Variants in COL11A1 observed in about 807,000 individuals in gnomAD.
The protein encoded by COL11A1 is collagen type XI alpha 1 chain.
COL11A1 carries 74 observed loss-of-function variants against 265.2 expected under a neutral mutation model. That is an observed-to-expected ratio of 0.28 (90% CI 0.23 to 0.34). The LOEUF is 0.34. COL11A1 is among the 10% of genes least tolerant of loss of function. COL11A1 has a pLI of 1.00. For synonymous variants in COL11A1, 816 were observed against 727.6 expected, an observed-to-expected ratio of 1.12 and a Z score of -1.96; for missense variants, 2,165 against 2,263.6, an observed-to-expected ratio of 0.96 and a Z score of 0.88.
chr1:103,073,642 T>A (rs1317933444), intron 4 of COL11A1, among the ~76,000 whole-genome samples: 2 of 151,878 alleles, frequency 1.3e-5, no homozygotes, highest in African/African-American at 4.8e-5. Flanking sequence ...ATAAATAATA[T>A]GGAACTTTCA....
At chr1:102,975,147 A>G (rs761572219) in intron 35 of COL11A1, among the ~76,000 whole-genome samples, 1 of 152,152 alleles carries the variant, frequency 6.6e-6, no homozygotes, top group African/African-American at 2.4e-5. Context: ...CATATCAATT[A>G]AAAGTGAATA....
At position 102,962,416 on chromosome 1, in the gene COL11A1, G is replaced by T. The variant is rs960812912; in HGVS notation, c.3025-151C>A. 2.4e-5 allele frequency: 18 copies of T among 753,140 alleles called. No individual in the cohort carries two copies. The Middle Eastern group carries it at 1.0e-3, about 43-fold the overall frequency. 46.7% of individuals were successfully genotyped at this position (753,140 alleles called of 1,614,324 possible). ...GGTGGAATGCCATATGCATTAAAAT[G>T]AACTACCCACTACCTACATTTAACG... On this transcript the variant is annotated intron_variant, in intron 39 of 66. Coordinates refer to ENST00000370096, the MANE Select transcript of COL11A1 (RefSeq NM_001854.4).
intron 54 of COL11A1, among the ~76,000 whole-genome samples, chr1:102,901,751 ATTC>A (rs1653234843): frequency 6.6e-6 from 1 of 152,186 alleles, no homozygotes; most frequent in Non-Finnish European, 1.5e-5. Context: ...CAAGAGAACT[ATTC>A]TTCATATAAA....
intron 1 of COL11A1, among the ~76,000 whole-genome samples, chr1:103,088,561 T>C (rs1325873613): frequency 1.3e-5 from 2 of 152,220 alleles, no homozygotes; most frequent in Non-Finnish European, 2.9e-5. Context: ...TCAGCTTTCA[T>C]AAAGAAAGTT....
At chr1:102,953,548 A>G (rs1660092286) in intron 41 of COL11A1, among the ~76,000 whole-genome samples, 1 of 152,210 alleles carries the variant, frequency 6.6e-6, no homozygotes. Flanking sequence ...CATATTTAAT[A>G]TAACTAAAGT....
Position 102,934,561 on chromosome 1 carries a change from A to C in COL11A1, c.3493-5T>G, listed in dbSNP as rs746535602. 1.7e-5 allele frequency: 28 copies of C among 1,603,418 alleles called. No homozygotes were observed. Among genetic ancestry groups the C allele is most frequent in the Non-Finnish European group, 2.2e-5 (26 of 1,170,298 alleles). On this transcript the variant is annotated splice_polypyrimidine_tract_variant and splice_region_variant and intron_variant, in intron 45 of 66. Coordinates refer to ENST00000370096, the MANE Select transcript of COL11A1 (RefSeq NM_001854.4). ...ACCTGGTTCACCATCACCTCCCTAG[A>C]GAAGAGAAAGAAACATTATCACAAA...
intron 44 of COL11A1, among the ~76,000 whole-genome samples, chr1:102,938,025 A>C (rs747356232): frequency 6.6e-6 from 1 of 152,232 alleles, no homozygotes; most frequent in Non-Finnish European, 1.5e-5. Flanking sequence ...ATAAAAATGA[A>C]TTATGCATTA....
At chr1:103,025,494 T>C (rs1240390989) in intron 7 of COL11A1, 27 bp downstream of exon 7, 1 of 1,470,524 alleles carries the variant, frequency 6.8e-7, no homozygotes, top group Admixed American at 1.7e-5. Flanking sequence ...AGTGGGACTG[T>C]GATTTAATAC....
intron 41 of COL11A1, among the ~76,000 whole-genome samples, chr1:102,961,457 A>G (rs1323097393): frequency 6.6e-6 from 1 of 152,220 alleles, no homozygotes; most frequent in Non-Finnish European, 1.5e-5. Context: ...TTTATAATAA[A>G]TGAATGATAG....
chr1:102,989,394 T>C (rs1663898203), intron 29 of COL11A1, 124 bp downstream of exon 29: 3 of 509,986 alleles, frequency 5.9e-6, no homozygotes, highest in African/African-American at 4.0e-5. Context: ...CTTAAATGAG[T>C]AAAGACTTAG....
rs1653837609 is a variant in COL11A1, at chr1:102,905,400, A to G, written c.4087-6406T>C. Among the ~76,000 whole-genome samples the G allele has an allele frequency of 2.6e-5, 4 of 151,070 alleles. No homozygotes were observed. In the South Asian group the frequency reaches 8.3e-4, roughly 32 times the overall value. ...ATAATAAAATAAAAATTAAAAAAAAAGGAAAGAGAGAGAAAGGAAGGAAGG... is the reference window on the plus strand; with the variant it reads ...ATAATAAAATAAAAATTAAAAAAAAGGGAAAGAGAGAGAAAGGAAGGAAGG... On this transcript the variant is annotated intron_variant, in intron 54 of 66. Transcript: ENST00000370096.
rs375665732 is a variant in COL11A1, at chr1:102,995,911, G to A, written c.2296-3C>T. The A allele has an allele frequency of 3.7e-6, 6 of 1,611,988 alleles. No individual in the cohort carries two copies. Among genetic ancestry groups the A allele is most frequent in the Non-Finnish European group, 5.1e-6 (6 of 1,178,924 alleles). Reference sequence around the variant, plus strand: ...AGACCTCTGACACCATCTGCTCCCTGTGGAATAAATTAGAAGTATTAAGTG... The same window carrying A: ...AGACCTCTGACACCATCTGCTCCCTATGGAATAAATTAGAAGTATTAAGTG... On this transcript the variant is annotated splice_polypyrimidine_tract_variant and splice_region_variant and intron_variant, in intron 27 of 66. Transcript: ENST00000370096.
At chr1:102,888,387 T>C (rs529076643) in intron 62 of COL11A1, among the ~76,000 whole-genome samples, 190 bp downstream of exon 62, 1 of 152,320 alleles carries the variant, frequency 6.6e-6, no homozygotes, top group Non-Finnish European at 1.5e-5. Context: ...GCATTTATAT[T>C]TGAAGAGTGA....
At chr1:103,026,554 T>A (rs935221130) in intron 5 of COL11A1, among the ~76,000 whole-genome samples, 3 of 152,164 alleles carry the variant, frequency 2.0e-5, no homozygotes, top group African/African-American at 7.2e-5. Context: ...AGAATAGTAG[T>A]TAGTATCACG....
chr1:102,878,500 A>ATATATATATATATG (rs1649808079), intron 66 of COL11A1, among the ~76,000 whole-genome samples: 1 of 123,142 alleles, frequency 8.1e-6, no homozygotes, highest in South Asian at 2.5e-4. Context: ...ATATATATAT[A>ATATATATATATATG]TATTCTTTTT....
chr1:102,921,431 T>C, intron 48 of COL11A1, 87 bp downstream of exon 48: 9 of 1,083,056 alleles, frequency 8.3e-6, no homozygotes, highest in South Asian at 2.7e-5. Flanking sequence ...TAGTTTAATA[T>C]TGTTATAACT....
intron 4 of COL11A1, among the ~76,000 whole-genome samples, chr1:103,063,066 G>A (rs539836214): frequency 5.9e-5 from 9 of 151,782 alleles, no homozygotes; most frequent in Admixed American, 2.6e-4. Flanking sequence ...GAAGGATATC[G>A]AACAACTTTA....
chr1:103,075,512 A>T (rs78297641), intron 3 of COL11A1, among the ~76,000 whole-genome samples: 1 of 152,264 alleles, frequency 6.6e-6, no homozygotes, highest in African/African-American at 2.4e-5. Flanking sequence ...CTACTGCTCC[A>T]GCTAATTTAG....
rs768347834 is a variant in COL11A1, at chr1:103,031,253, AAAAAAAAAAC to A, written c.652-19_652-10del. 72 of 1,595,958 alleles carry A rather than the reference AAAAAAAAAAC, an allele frequency of 4.5e-5. No individual in the cohort carries two copies. Among genetic ancestry groups the A allele is most frequent in the Non-Finnish European group, 5.9e-5 (69 of 1,173,622 alleles). ...AACTGCTGAATGTCCCCCTGGGAAA[AAAAAAAAAAC>A]AAAAACAAACAGACACAGATTCAGT... On this transcript the variant is annotated splice_polypyrimidine_tract_variant and intron_variant, in intron 4 of 66. Coordinates refer to ENST00000370096, the MANE Select transcript of COL11A1 (RefSeq NM_001854.4).
Sources: allele counts gnomAD v4.1 joint callset (sites outside exome capture counted in the v4.1 genomes callset), GRCh38; gene constraint gnomAD v4.1.1; transcripts MANE v1.5; gene names NCBI Gene and HGNC (gene_info 2026-07-23, HGNC 2026-07-21).